Variants in UBE2R2 observed in about 807,000 individuals in gnomAD.
UBE2R2 encodes the protein ubiquitin conjugating enzyme E2 R2.
In UBE2R2, 1 loss-of-function variant was observed where a neutral mutation model predicts 27.8. That is an observed-to-expected ratio of 0.04 (90% CI 0.01 to 0.17). The LOEUF (loss-of-function observed/expected upper bound fraction) is 0.17. Ranked by LOEUF, UBE2R2 falls within the 10% of genes least tolerant of loss-of-function variation. UBE2R2 has a pLI of 1.00. For synonymous variants in UBE2R2, 106 were observed against 113.3 expected (o/e 0.94, Z 0.41); for missense variants, 100 against 291.0 (o/e 0.34, Z 4.78).
chr9:33,877,398 G>A (rs1309958778), intron 1 of UBE2R2, among the ~76,000 whole-genome samples: 1 of 151,794 alleles, frequency 6.6e-6, no homozygotes, highest in Non-Finnish European at 1.5e-5. Context: ...TAGCCAGGAT[G>A]GTCTCAATCT....
chr9:33,862,946 T>C (rs938466973), intron 1 of UBE2R2, among the ~76,000 whole-genome samples: 1 of 152,152 alleles, frequency 6.6e-6, no homozygotes, highest in Admixed American at 6.6e-5. Context: ...ACATCTGCTT[T>C]GGGAGGCCTA....
intron 1 of UBE2R2, among the ~76,000 whole-genome samples, chr9:33,845,245 A>G (rs1206506825): frequency 6.8e-6 from 1 of 148,132 alleles, no homozygotes; most frequent in East Asian, 2.0e-4. Flanking sequence ...GTGCAGTGGC[A>G]CAATCTTTTT....
intron 2 of UBE2R2, among the ~76,000 whole-genome samples, chr9:33,896,827 T>C (rs1229807649): frequency 6.6e-6 from 1 of 151,932 alleles, no homozygotes; most frequent in Non-Finnish European, 1.5e-5. Context: ...GTTTTTATCA[T>C]GAAAGAGTGT....
At chr9:33,898,876 T>A (rs1342757267) in intron 2 of UBE2R2, among the ~76,000 whole-genome samples, 1 of 152,250 alleles carries the variant, frequency 6.6e-6, no homozygotes, top group Non-Finnish European at 1.5e-5. Flanking sequence ...TATTGAATTG[T>A]GTTCTGTATT....
chr9:33,884,272 A>AT (rs1821806418), intron 1 of UBE2R2, among the ~76,000 whole-genome samples: 1 of 65,184 alleles, frequency 1.5e-5, no homozygotes, highest in Non-Finnish European at 2.8e-5. Context: ...CAACCCCTTT[A>AT]TTTTTTCTTT....
At chr9:33,905,294 T>G (rs1235549279) in intron 3 of UBE2R2, among the ~76,000 whole-genome samples, 1 of 152,166 alleles carries the variant, frequency 6.6e-6, no homozygotes, top group Non-Finnish European at 1.5e-5. Context: ...TTCTGTCTAG[T>G]CTTAAGAACA....
intron 1 of UBE2R2, among the ~76,000 whole-genome samples, chr9:33,861,639 AAAC>A (rs768026248): frequency 6.6e-6 from 1 of 151,802 alleles, no homozygotes; most frequent in Non-Finnish European, 1.5e-5. Flanking sequence ...AGATAATGGG[AAAC>A]AACAGTATCT....
At chr9:33,824,668 T>C (rs951823201) in intron 1 of UBE2R2, among the ~76,000 whole-genome samples, 2 of 151,214 alleles carry the variant, frequency 1.3e-5, no homozygotes, top group African/African-American at 4.9e-5. Flanking sequence ...GCGGGTGTGA[T>C]GGTCCGCACC....
Position 33,817,733 on chromosome 9 carries a change from C to G in UBE2R2, c.-25C>G. ...CGTGAGGACTGGGGCCCGGGCCCGG[C>G]GCCGCCGCCGCCGCCGCCGCCGCGA... On this transcript the variant is annotated 5_prime_UTR_variant, in exon 1 of 5. Coordinates refer to ENST00000263228, the MANE Select transcript of UBE2R2 (RefSeq NM_017811.4). The G allele has an allele frequency of 8.2e-7, 1 of 1,220,748 alleles. No individual in the cohort carries two copies. Among genetic ancestry groups the G allele is most frequent in the Admixed American group, 3.4e-5 (1 of 29,264 alleles). The allele number at this position is 1,220,748 out of a possible 1,614,324, so 75.6% of individuals were successfully genotyped here. A position where few individuals can be genotyped will look rare whatever the true frequency, so the allele number is the denominator to read the frequency against.
In UBE2R2 at chr9:33,920,056, C is replaced by T. The variant is rs41314203; in HGVS notation, c.*2819C>T. 3,279 of 152,510 alleles carry T rather than the reference C, an allele frequency of 0.022. 50 individuals carry two copies. The highest frequency in any genetic ancestry group is 0.031 in the Non-Finnish European group (2,076 of 67,998). The allele number at this position is 152,510 out of a possible 1,614,324, so 9.4% of individuals were successfully genotyped here. A position where few individuals can be genotyped will look rare whatever the true frequency, so the allele number is the denominator to read the frequency against. On this transcript the variant is annotated 3_prime_UTR_variant, in exon 5 of 5. Transcript: ENST00000263228. ...GCTTCTTTACTTGCTGGTTTCCTTA[C>T]GTTTGGGGCACATGTTGTAAGAAAC...
chr9:33,876,010 A>G (rs529317612), intron 1 of UBE2R2, among the ~76,000 whole-genome samples: 1 of 152,344 alleles, frequency 6.6e-6, no homozygotes, highest in South Asian at 2.1e-4. Flanking sequence ...AAATATGTGT[A>G]TGAGGTAATA....
At position 33,871,341 on chromosome 9, in the gene UBE2R2, A is replaced by G. The variant is rs374986361; in HGVS notation, c.178-15540A>G. 6.6e-5 allele frequency among the ~76,000 whole-genome samples: 10 copies of G among 152,368 alleles called. No individual in the cohort carries two copies. In the East Asian group the frequency reaches 1.5e-3, roughly 23 times the overall value. ...AAATTGAATAAGTGAAAATATTTAC[A>G]TAAATAGTGTTTGTATAACTAAAAA... On this transcript the variant is annotated intron_variant, in intron 1 of 4. Coordinates refer to ENST00000263228, the MANE Select transcript of UBE2R2 (RefSeq NM_017811.4).
chr9:33,884,229 T>TCTCTCTCTCTCTCTCTCTCTCTCTCC (rs1313176322), intron 1 of UBE2R2, among the ~76,000 whole-genome samples: 5 of 146,390 alleles, frequency 3.4e-5, no homozygotes, highest in African/African-American at 1.3e-4. Context: ...TCTCTCTCTC[T>TCTCTCTCTCTCTCTCTCTCTCTCTCC]CTCTCTTCCC....
chr9:33,833,742 A>C (rs995077594), intron 1 of UBE2R2, among the ~76,000 whole-genome samples: 2 of 152,168 alleles, frequency 1.3e-5, no homozygotes, highest in Non-Finnish European at 2.9e-5. Context: ...CCTATTTTCT[A>C]AACTTTTTCT....
intron 1 of UBE2R2, among the ~76,000 whole-genome samples, chr9:33,821,862 G>A (rs893125365): frequency 8.3e-4 from 126 of 152,122 alleles, no homozygotes; most frequent in East Asian, 3.7e-3. Flanking sequence ...TAAGTGATCT[G>A]CCCATCTCAG....
chr9:33,850,229 C>T (rs144868036), intron 1 of UBE2R2, among the ~76,000 whole-genome samples: 18 of 152,106 alleles, frequency 1.2e-4, no homozygotes, highest in Admixed American at 7.2e-4. Context: ...TTCAGCTTGG[C>T]GTCCAGTAAT....
chr9:33,905,986 A>C (rs1822345347), intron 3 of UBE2R2, among the ~76,000 whole-genome samples: 1 of 152,176 alleles, frequency 6.6e-6, no homozygotes, highest in Non-Finnish European at 1.5e-5. Flanking sequence ...TATAAAACTC[A>C]ATATCTAAAT....
At chr9:33,844,631 G>A (rs1352074492) in intron 1 of UBE2R2, among the ~76,000 whole-genome samples, 1 of 146,072 alleles carries the variant, frequency 6.8e-6, no homozygotes, top group Non-Finnish European at 1.5e-5. Context: ...TGGTGGTGTT[G>A]TTCCAAACAT....
intron 1 of UBE2R2, among the ~76,000 whole-genome samples, chr9:33,865,542 T>G (rs1821342244): frequency 6.6e-6 from 1 of 152,218 alleles, no homozygotes; most frequent in Admixed American, 6.5e-5. Flanking sequence ...ATTTCTAGTT[T>G]GTTGTTAACT....
Sources: gnomAD v4.1 joint callset for allele counts (sites outside exome capture counted in the v4.1 genomes callset) on GRCh38, gnomAD v4.1.1 for gene constraint, MANE v1.5 for transcripts, NCBI Gene and HGNC (gene_info 2026-07-23, HGNC 2026-07-21) for gene names.